Variants in RBMS3 observed in about 807,000 individuals in gnomAD.
RBMS3 encodes RNA-binding motif, single-stranded-interacting protein 3.
In RBMS3, 27 loss-of-function variants were observed where a neutral mutation model predicts 66.8. The ratio of observed to expected loss-of-function variants is 0.40; its 90% CI spans 0.30 to 0.56. RBMS3 has a LOEUF of 0.56. RBMS3 is among the 20% of genes least tolerant of loss of function. The pLI, the probability that RBMS3 is intolerant of heterozygous loss-of-function variation, is 0.40. For missense variants in RBMS3, 513 were observed against 549.5 expected (o/e 0.93, Z 0.66); for synonymous variants, 188 against 183.0 (o/e 1.03, Z -0.22).
At chr3:29,402,601 A>G (rs1190256105) in intron 1 of RBMS3, among the ~76,000 whole-genome samples, 3 of 152,034 alleles carry the variant, frequency 2.0e-5, no homozygotes, top group South Asian at 4.1e-4. Flanking sequence ...TCTTAGAAAT[A>G]TTTCCCCATT....
rs62235518 is a variant in RBMS3 at position 29,952,981 on chromosome 3, C to T, written c.1098+8727C>T. Among the ~76,000 whole-genome samples, 1,316 of 151,942 alleles carry T rather than the reference C, an allele frequency of 8.7e-3. 7 individuals carry two copies. The highest frequency in any genetic ancestry group is 0.014 in the Non-Finnish European group (930 of 67,860). ...ACTTGTTCTGGAGGGTTGAAGCCTA[C>T]TAGCCAAAGAAAACCAAGGATCAAC... On this transcript the variant is annotated intron_variant, in intron 12 of 14. Transcript: ENST00000383767.
chr3:29,443,201 T>C (rs1426219030), intron 2 of RBMS3, among the ~76,000 whole-genome samples: 1 of 152,086 alleles, frequency 6.6e-6, no homozygotes, highest in East Asian at 1.9e-4. Flanking sequence ...GGGGTAACTC[T>C]TTTCCCCAGT....
At chr3:29,505,736 T>A in intron 3 of RBMS3, among the ~76,000 whole-genome samples, 1 of 151,870 alleles carries the variant, frequency 6.6e-6, no homozygotes, top group East Asian at 1.9e-4. Flanking sequence ...TTTATTTGTG[T>A]ATTCTTCAAT....
chr3:29,502,590 T>TA (rs3836337), intron 3 of RBMS3, among the ~76,000 whole-genome samples: 20,050 of 152,064 alleles, frequency 0.13, 1,961 homozygotes, highest in African/African-American at 0.27. Context: ...AATATAGATA[T>TA]AAAAACATGG....
At chr3:29,969,200 C>A (rs984186114) in intron 12 of RBMS3, among the ~76,000 whole-genome samples, 7 of 152,164 alleles carry the variant, frequency 4.6e-5, no homozygotes, top group African/African-American at 1.7e-4. Flanking sequence ...ATAGACAAGG[C>A]TCTAAGATTA....
chr3:29,915,095 T>C (rs918460058), intron 10 of RBMS3, among the ~76,000 whole-genome samples: 6 of 151,800 alleles, frequency 4.0e-5, no homozygotes, highest in Admixed American at 3.9e-4. Context: ...ATGCAGGGAT[T>C]TATAAACCCT....
chr3:29,752,318 G>C (rs577199763), intron 5 of RBMS3, among the ~76,000 whole-genome samples: 2 of 152,200 alleles, frequency 1.3e-5, no homozygotes, highest in East Asian at 3.9e-4. Flanking sequence ...AGTGGAGCTT[G>C]GAGTTTTTAT....
chr3:29,312,364 C>G (rs1161343463), intron 1 of RBMS3, among the ~76,000 whole-genome samples: 2 of 151,678 alleles, frequency 1.3e-5, no homozygotes, highest in East Asian at 3.9e-4. Context: ...TTTTTAAAAA[C>G]TTGAACTGCT....
rs1699883938 is a variant in RBMS3, at chr3:30,009,038, G to A, written c.*5176G>A. 6.6e-6 allele frequency: 1 copy of A among 151,550 alleles called. No homozygotes were observed. The highest frequency in any genetic ancestry group is 1.5e-5 in the Non-Finnish European group (1 of 67,978). The allele number at this position is 151,550 out of a possible 1,614,324, so 9.4% of individuals were successfully genotyped here. ...TATTCATTTCTGTTTATTTTTGTGA[G>A]GGAAAATAATATATCAAGAAAATTT... On this transcript the variant is annotated 3_prime_UTR_variant, in exon 15 of 15. Coordinates refer to ENST00000383767, the MANE Select transcript of RBMS3 (RefSeq NM_001003793.3).
intron 4 of RBMS3, among the ~76,000 whole-genome samples, chr3:29,652,909 T>C (rs571945245): frequency 3.3e-5 from 5 of 152,224 alleles, no homozygotes; most frequent in African/African-American, 1.2e-4. Context: ...GGTGTAAACA[T>C]CCAAGAAGGT....
At chr3:29,414,064 C>T (rs976237568) in intron 1 of RBMS3, among the ~76,000 whole-genome samples, 5 of 152,094 alleles carry the variant, frequency 3.3e-5, no homozygotes, top group African/African-American at 7.2e-5. Flanking sequence ...TCTCCTTGCG[C>T]GGGAGTCTTT....
intron 6 of RBMS3, 118 bp from the exon 7 acceptor site, chr3:29,868,740 T>C (rs2149549809): frequency 2.2e-6 from 2 of 927,500 alleles, no homozygotes; most frequent in East Asian, 5.5e-5. Flanking sequence ...CAAATATCTC[T>C]TCAGAAGCAA....
chr3:29,663,262 C>T (rs2050625742), intron 4 of RBMS3, among the ~76,000 whole-genome samples: 1 of 96,638 alleles, frequency 1.0e-5, no homozygotes, highest in African/African-American at 3.8e-5. Context: ...ACAGATAGTG[C>T]TTTAATTTCT....
At chr3:29,995,453 A>T (rs982248193) in intron 14 of RBMS3, among the ~76,000 whole-genome samples, 1 of 151,994 alleles carries the variant, frequency 6.6e-6, no homozygotes, top group African/African-American at 2.4e-5. Flanking sequence ...ACTCCAAGAC[A>T]CATAATTGTC....
chr3:29,896,870 C>T (rs1170839460), intron 8 of RBMS3, among the ~76,000 whole-genome samples: 1 of 151,574 alleles, frequency 6.6e-6, no homozygotes, highest in African/African-American at 2.4e-5. Context: ...CCATTCCAAC[C>T]TCGATACAAA....
rs758813193 is a variant in RBMS3 at position 29,434,776 on chromosome 3, C to T, written c.109C>T (p.Pro37Ser). 3.7e-6 allele frequency: 6 copies of T among 1,614,048 alleles called. No individual in the cohort carries two copies. The South Asian group carries it at 4.4e-5, about 12-fold the overall frequency. Residue 37 changes from proline (P) to serine (S), a missense_variant, in exon 2 of 15, where the codon CCT (proline) becomes TCT (serine). Transcript: ENST00000383767. Reference protein sequence around the residue: ...SYAPAPHPMAPPSPSTNSSSN... With the variant: ...SYAPAPHPMASPSPSTNSSSN... ...TGCACCAGCTCCCCACCCCATGGCTCCTCCCAGCCCCAGCACAAACAGCAG... is the reference window on the plus strand; with the variant it reads ...TGCACCAGCTCCCCACCCCATGGCTTCTCCCAGCCCCAGCACAAACAGCAG...
intron 4 of RBMS3, among the ~76,000 whole-genome samples, chr3:29,682,631 T>C (rs567361179): frequency 1.3e-5 from 2 of 152,246 alleles, no homozygotes; most frequent in East Asian, 3.9e-4. Context: ...TCCTTTCCCA[T>C]TGTAGGTTTG....
chr3:29,977,564 G>A (rs188112543), intron 12 of RBMS3, among the ~76,000 whole-genome samples: 2 of 152,090 alleles, frequency 1.3e-5, no homozygotes, highest in East Asian at 1.9e-4. Flanking sequence ...GTGATGCAGT[G>A]TCTAGACTTT....
intron 3 of RBMS3, among the ~76,000 whole-genome samples, chr3:29,496,212 AAG>A (rs1453436090): frequency 3.4e-5 from 5 of 147,158 alleles, no homozygotes; most frequent in East Asian, 2.0e-4. Flanking sequence ...AAAAAAAAAA[AAG>A]AAAAAAAGAA....
Sources: gnomAD v4.1 joint callset for allele counts (sites outside exome capture counted in the v4.1 genomes callset) on GRCh38, gnomAD v4.1.1 for gene constraint, MANE v1.5 for transcripts, NCBI Gene and HGNC (gene_info 2026-07-23, HGNC 2026-07-21) for gene names.